The following PDE8A variants were observed in gnomAD, a reference collection of about 807,000 sequenced individuals.
PDE8A encodes phosphodiesterase 8A.
PDE8A carries 59 observed loss-of-function variants against 105.0 expected under a neutral mutation model. That is an observed-to-expected ratio of 0.56 (90% CI 0.46 to 0.70). PDE8A has a LOEUF of 0.70. Ranked by LOEUF, PDE8A falls within the 30% of genes least tolerant of loss-of-function variation. PDE8A has a pLI of 0.00. For missense variants in PDE8A, 1,014 were observed against 1,045.9 expected (o/e 0.97, Z 0.42); for synonymous variants, 355 against 371.9 (o/e 0.95, Z 0.52).
intron 1 of PDE8A, among the ~76,000 whole-genome samples, chr15:85,031,066 T>C (rs929032009): frequency 3.9e-5 from 6 of 152,244 alleles, no homozygotes; most frequent in African/African-American, 1.4e-4. Context: ...CAATTTTACA[T>C]CTAAACCTGC....
At chr15:85,014,169 TG>T (rs2080285859) in intron 1 of PDE8A, among the ~76,000 whole-genome samples, 1 of 152,054 alleles carries the variant, frequency 6.6e-6, no homozygotes, top group Admixed American at 6.6e-5. Flanking sequence ...GTCAGGGTCT[TG>T]CTCTGTCCCC....
chr15:85,020,986 G>A (rs899635218), intron 1 of PDE8A, among the ~76,000 whole-genome samples: 1 of 152,056 alleles, frequency 6.6e-6, no homozygotes, highest in Non-Finnish European at 1.5e-5. Flanking sequence ...CTCAATGTTC[G>A]TATTCTCCCA....
At chr15:84,982,438 C>T (rs976640772) in intron 1 of PDE8A, 90 bp downstream of exon 1, 21 of 794,386 alleles carry the variant, frequency 2.6e-5, no homozygotes, top group African/African-American at 5.5e-5. Flanking sequence ...GGGTCCCCCC[C>T]ACCCGGCCTC....
Position 85,114,013 on chromosome 15 carries a change from T to C in PDE8A, c.1326T>C (p.Asn442=). ...FGAKDDDPHA[N]DLVGGLMSDG... ...CTAAAGATGATGATCCCCATGCCAA[T>C]GACCTTGTTGGGGGCTTAATGTCTG... The change falls in exon 14 of 22, where the codon AAT becomes AAC. Residue 442 remains asparagine, a synonymous_variant. Coordinates refer to ENST00000394553, the MANE Select transcript of PDE8A (RefSeq NM_002605.3). 6.2e-7 allele frequency: 1 copy of C among 1,614,062 alleles called. No individual in the cohort carries two copies.
At chr15:85,115,722 C>G in intron 15 of PDE8A, 1 of 539,284 alleles carries the variant, frequency 1.9e-6, no homozygotes, top group South Asian at 2.5e-5. Context: ...GAGTTCAAGA[C>G]CAGCCTGGCC....
At chr15:85,102,057 T>G (rs2081871750) in intron 11 of PDE8A, among the ~76,000 whole-genome samples, 1 of 151,980 alleles carries the variant, frequency 6.6e-6, no homozygotes, top group African/African-American at 2.4e-5. Flanking sequence ...GTAGCACAGA[T>G]GTGGAAGTGA....
intron 19 of PDE8A, 93 bp downstream of exon 19, chr15:85,123,286 G>A: frequency 8.3e-7 from 1 of 1,211,924 alleles, no homozygotes; most frequent in Non-Finnish European, 1.2e-6. Context: ...AGCCACAGAA[G>A]GGTTCCCTCA....
At chr15:85,084,057 GT>G (rs370489408) in intron 6 of PDE8A, among the ~76,000 whole-genome samples, 32 of 145,634 alleles carry the variant, frequency 2.2e-4, no homozygotes, top group East Asian at 2.0e-4. Context: ...GGGTTTTTTG[GT>G]TTTTTTTTTT....
intron 1 of PDE8A, among the ~76,000 whole-genome samples, chr15:84,990,193 A>G (rs889943142): frequency 1.3e-5 from 2 of 152,208 alleles, no homozygotes; most frequent in Non-Finnish European, 2.9e-5. Flanking sequence ...TCAAAAAAAA[A>G]TTAATTCAAA....
At chr15:85,005,330 G>C (rs2080129388) in intron 1 of PDE8A, among the ~76,000 whole-genome samples, 1 of 152,068 alleles carries the variant, frequency 6.6e-6, no homozygotes, top group South Asian at 2.1e-4. Flanking sequence ...TGCCCAGGCT[G>C]GTCTTGAACT....
At chr15:85,026,584 T>C (rs2080520944) in intron 1 of PDE8A, among the ~76,000 whole-genome samples, 1 of 151,630 alleles carries the variant, frequency 6.6e-6, no homozygotes, top group Non-Finnish European at 1.5e-5. Context: ...TCAAGGGAGG[T>C]GGAGATAGAG....
intron 1 of PDE8A, among the ~76,000 whole-genome samples, chr15:85,028,379 T>G (rs1324933156): frequency 6.6e-6 from 1 of 152,100 alleles, no homozygotes; most frequent in Non-Finnish European, 1.5e-5. Flanking sequence ...CACAACTGGC[T>G]AATTATTTTA....
intron 16 of PDE8A, among the ~76,000 whole-genome samples, chr15:85,117,019 T>C (rs1305192286): frequency 6.6e-6 from 1 of 152,244 alleles, no homozygotes; most frequent in East Asian, 1.9e-4. Flanking sequence ...ACAGCCAGTT[T>C]CTTGGCCTTC....
intron 1 of PDE8A, among the ~76,000 whole-genome samples, chr15:85,007,966 G>C (rs912432641): frequency 7.2e-5 from 11 of 152,012 alleles, no homozygotes; most frequent in African/African-American, 2.4e-4. Flanking sequence ...AGGGTGAGGT[G>C]GTTGTGTTGC....
chr15:85,043,140 T>C (rs1256018650), intron 1 of PDE8A, among the ~76,000 whole-genome samples: 4 of 152,198 alleles, frequency 2.6e-5, no homozygotes, highest in African/African-American at 7.2e-5. Context: ...TTGACAAATG[T>C]AAATATTCCT....
intron 3 of PDE8A, among the ~76,000 whole-genome samples, chr15:85,074,720 C>T (rs2081358203): frequency 1.3e-5 from 2 of 152,186 alleles, no homozygotes; most frequent in Admixed American, 1.3e-4. Context: ...TCTTACGCAT[C>T]TGGAATGGTT....
At chr15:85,066,707 G>A (rs958635248) in intron 2 of PDE8A, among the ~76,000 whole-genome samples, 3 of 152,096 alleles carry the variant, frequency 2.0e-5, no homozygotes, top group African/African-American at 7.2e-5. Flanking sequence ...GGGAGGCTGA[G>A]GTGGGAGGAT....
intron 2 of PDE8A, 52 bp from the exon 3 acceptor site, chr15:85,066,962 G>T: frequency 7.4e-7 from 1 of 1,344,846 alleles, no homozygotes; most frequent in South Asian, 1.3e-5. Flanking sequence ...TGTAAGAAAT[G>T]ACAATTCTAA....
Position 85,130,745 on chromosome 15 carries a change from A to T in PDE8A, c.2253+4371A>T, listed in dbSNP as rs181910004. 2.6e-5 allele frequency among the ~76,000 whole-genome samples: 4 copies of T among 152,332 alleles called. No homozygotes were observed. In the East Asian group the frequency reaches 5.8e-4, roughly 22 times the overall value. On this transcript the variant is annotated intron_variant, in intron 20 of 21. Coordinates refer to ENST00000394553, the MANE Select transcript of PDE8A (RefSeq NM_002605.3). ...TTTGGAACTCTGGTATTTGATGCTTATATGCTTATAATCATTATATCTTCC... is the reference window on the plus strand; with the variant it reads ...TTTGGAACTCTGGTATTTGATGCTTTTATGCTTATAATCATTATATCTTCC...
Sources: allele counts gnomAD v4.1 joint callset (sites outside exome capture counted in the v4.1 genomes callset), GRCh38; gene constraint gnomAD v4.1.1; transcripts MANE v1.5; gene names NCBI Gene and HGNC (gene_info 2026-07-23, HGNC 2026-07-21).